FAM81B: variants seen among roughly 807,000 people sequenced by gnomAD.
FAM81B encodes family with sequence similarity 81 member B, also known as protein FAM81B.
A neutral mutation model predicts 58.7 loss-of-function variants in FAM81B; 60 were observed. The observed-to-expected ratio is 1.02, with a 90% CI of 0.83 to 1.27. The LOEUF (loss-of-function observed/expected upper bound fraction) is 1.27, where lower values mean the gene tolerates loss of function less well. Among genes scored for constraint, FAM81B ranks in the 50% most tolerant of loss-of-function variants. The pLI, the probability that FAM81B is intolerant of heterozygous loss-of-function variation, is 0.00. For synonymous variants in FAM81B, 189 were observed against 179.6 expected, an observed-to-expected ratio of 1.05 and a Z score of -0.42; for missense variants, 491 against 522.0, an observed-to-expected ratio of 0.94 and a Z score of 0.58.
At chr5:95,449,463 T>G (rs1300121105) in intron 9 of FAM81B, among the ~76,000 whole-genome samples, 1 of 152,242 alleles carries the variant, frequency 6.6e-6, no homozygotes, top group Non-Finnish European at 1.5e-5. Context: ...CAGGGTGAAC[T>G]GAAAAGGAAT....
intron 3 of FAM81B, among the ~76,000 whole-genome samples, chr5:95,411,186 T>C (rs1321065481): frequency 6.6e-6 from 1 of 152,174 alleles, no homozygotes; most frequent in Non-Finnish European, 1.5e-5. Flanking sequence ...GCAAGTGTTT[T>C]AACACATGGG....
At chr5:95,432,056 G>C (rs1744919675) in intron 6 of FAM81B, among the ~76,000 whole-genome samples, 1 of 152,004 alleles carries the variant, frequency 6.6e-6, no homozygotes, top group African/African-American at 2.4e-5. Context: ...GATGGGGAAA[G>C]TAAGTTTCCC....
chr5:95,426,244 C>T (rs771277401), intron 5 of FAM81B, among the ~76,000 whole-genome samples: 1 of 151,684 alleles, frequency 6.6e-6, no homozygotes, highest in African/African-American at 2.4e-5. Flanking sequence ...TTCTTTGAGG[C>T]ATGATATGAA....
In FAM81B at chr5:95,448,475, ACCTTTTATTAAGTAAAGAATATCTGT is replaced by A; in HGVS notation, c.1225+17_1225+42del. On this transcript the variant is annotated intron_variant, in intron 9 of 9. Coordinates refer to ENST00000283357, the MANE Select transcript of FAM81B (RefSeq NM_152548.3). ...ATGAATATCAATCAGGTGAGCAGAT[ACCTTTTATTAAGTAAAGAATATCTGT>A]CCTTTCCTGTTCAATCCCTCAGTCT... The A allele has an allele frequency of 6.3e-7, 1 of 1,584,788 alleles. No homozygotes were observed. The highest frequency in any genetic ancestry group is 8.5e-7 in the Non-Finnish European group (1 of 1,170,470).
chr5:95,443,644 G>T (rs536028431), intron 7 of FAM81B, among the ~76,000 whole-genome samples: 11 of 151,824 alleles, frequency 7.2e-5, no homozygotes, highest in Admixed American at 5.9e-4. Context: ...CAAAGAAAAA[G>T]AGTTATACAA....
At chr5:95,428,822 T>G in intron 6 of FAM81B, 90 bp downstream of exon 6, 1 of 1,554,210 alleles carries the variant, frequency 6.4e-7, no homozygotes, top group South Asian at 1.2e-5. Context: ...AGGTGGTAAT[T>G]TTTTAAGAGA....
intron 3 of FAM81B, among the ~76,000 whole-genome samples, chr5:95,399,116 G>A (rs2152760679): frequency 6.6e-6 from 1 of 152,344 alleles, no homozygotes; most frequent in East Asian, 1.9e-4. Flanking sequence ...ATTTTGTGAA[G>A]ATGAGGGTCT....
intron 7 of FAM81B, among the ~76,000 whole-genome samples, chr5:95,439,764 A>C (rs1326584047): frequency 6.6e-6 from 1 of 152,236 alleles, no homozygotes; most frequent in African/African-American, 2.4e-5. Context: ...ACATTTAAAA[A>C]TGAAGTAGAT....
At chr5:95,440,663 C>A in intron 7 of FAM81B, 1 of 872,194 alleles carries the variant, frequency 1.1e-6, no homozygotes, top group Non-Finnish European at 1.7e-6. Flanking sequence ...CAAGGACAGA[C>A]CACAGACTGG....
intron 1 of FAM81B, 67 bp from the exon 2 acceptor site, chr5:95,392,727 A>T: frequency 7.3e-7 from 1 of 1,375,408 alleles, no homozygotes; most frequent in Non-Finnish European, 1.0e-6. Context: ...ATTAAAAAAA[A>T]ATTAGCAGCA....
At chr5:95,427,835 C>T (rs1582814816) in intron 5 of FAM81B, among the ~76,000 whole-genome samples, 1 of 152,310 alleles carries the variant, frequency 6.6e-6, no homozygotes, top group East Asian at 1.9e-4. Flanking sequence ...GTGCAACCTG[C>T]TGTCCCCCAA....
At chr5:95,439,248 ATATATATATATATATATG>A (rs1300912987) in intron 7 of FAM81B, among the ~76,000 whole-genome samples, 3 of 140,548 alleles carry the variant, frequency 2.1e-5, no homozygotes, top group Admixed American at 7.6e-5. Flanking sequence ...ATATATATAT[ATATATATATATATATATG>A]TATATTTTAA....
At chr5:95,433,641 T>C (rs969700485) in intron 6 of FAM81B, among the ~76,000 whole-genome samples, 8 of 152,200 alleles carry the variant, frequency 5.3e-5, no homozygotes, top group African/African-American at 1.7e-4. Context: ...AGGATTGTTT[T>C]TGGTGGCTGG....
At chr5:95,427,021 C>G (rs940833810) in intron 5 of FAM81B, among the ~76,000 whole-genome samples, 14 of 151,918 alleles carry the variant, frequency 9.2e-5, no homozygotes, top group Non-Finnish European at 2.1e-4. Context: ...TGCACTCCAG[C>G]CTGGGCGATA....
chr5:95,392,971 G>C (rs1582775107), intron 2 of FAM81B, 74 bp downstream of exon 2: 1 of 1,300,254 alleles, frequency 7.7e-7, no homozygotes, highest in East Asian at 2.7e-5. Context: ...AGTGCTTAGA[G>C]AGTTTAAGAA....
chr5:95,428,033 T>TGAC (rs1224614726), intron 5 of FAM81B, among the ~76,000 whole-genome samples: 1 of 152,250 alleles, frequency 6.6e-6, no homozygotes, highest in Non-Finnish European at 1.5e-5. Context: ...TGTCCTAATA[T>TGAC]GACAGTGCCT....
chr5:95,439,213 A>G (rs984064349), intron 7 of FAM81B, among the ~76,000 whole-genome samples: 1 of 138,828 alleles, frequency 7.2e-6, no homozygotes, highest in East Asian at 2.0e-4. Flanking sequence ...TTATTTCTAT[A>G]GGCAAGCTTG....
In FAM81B at chr5:95,446,562, A is replaced by T. The variant is rs751974381; in HGVS notation, c.894A>T (p.Lys298Asn). ...YRHEMNLLEF[K>N]FHSLSSNLYE... The stretch of plus-strand genomic sequence containing the variant: ...TGAAACAAAACATTTTTTCCCATAG[A>T]TTTCATTCACTTTCAAGTAATCTGT... Residue 298 changes from lysine (K) to asparagine (N), a missense_variant and splice_region_variant, in exon 8 of 10, where the codon AAA (lysine) becomes AAT (asparagine). By Grantham distance (94) the Lys-to-Asn change is moderately conservative (BLOSUM62 0). Transcript: ENST00000283357. 6.3e-7 allele frequency: 1 copy of T among 1,576,426 alleles called. No homozygotes were observed. The highest frequency in any genetic ancestry group is 8.6e-7 in the Non-Finnish European group (1 of 1,167,294).
At chr5:95,421,917 C>G (rs1762695882) in intron 5 of FAM81B, among the ~76,000 whole-genome samples, 1 of 152,170 alleles carries the variant, frequency 6.6e-6, no homozygotes, top group South Asian at 2.1e-4. Context: ...ATACTCATGT[C>G]ATGCCACAGA....
Sources: allele counts gnomAD v4.1 joint callset (sites outside exome capture counted in the v4.1 genomes callset), GRCh38; gene constraint gnomAD v4.1.1; transcripts MANE v1.5; gene names NCBI Gene and HGNC (gene_info 2026-07-23, HGNC 2026-07-21).